SNAPC3: variants seen among roughly 807,000 people sequenced by gnomAD.
The protein encoded by SNAPC3 is snRNA-activating protein complex subunit 3.
Under a neutral mutation model 47.7 loss-of-function variants are expected in SNAPC3, and 56 were observed. The ratio of observed to expected loss-of-function variants is 1.18; its 90% CI spans 0.95 to 1.47. The LOEUF (loss-of-function observed/expected upper bound fraction) is 1.47. Among genes scored for constraint, SNAPC3 ranks in the 40% most tolerant of loss-of-function variants. The pLI, the probability that SNAPC3 is intolerant of heterozygous loss-of-function variation, is 0.00. For synonymous variants in SNAPC3, 235 were observed against 189.9 expected (o/e 1.24, Z -1.95); for missense variants, 665 against 511.3 (o/e 1.30, Z -2.90).
Position 15,459,722 on chromosome 9 carries a change from G to T in SNAPC3, c.1092G>T (p.Trp364Cys). 6.2e-7 allele frequency: 1 copy of T among 1,611,514 alleles called. No homozygotes were observed. Among genetic ancestry groups the T allele is most frequent in the Non-Finnish European group, 8.5e-7 (1 of 1,178,792 alleles). ...CTTCTTTTTTTAAAAACTACAGATG[G>T]GTGACGAACAATGACAGTTTTGCAC... ...CFVCKMYTAR[W>C]VTNNDSFAPE... is the part of the protein sequence containing the mutation. The change falls in exon 9 of 9, where the codon TGG becomes TGT. Residue 364 changes from tryptophan (W) to cysteine (C), a missense_variant. Trp to Cys is a radical substitution (Grantham distance 215). Transcript: ENST00000380821.
intron 2 of SNAPC3, among the ~76,000 whole-genome samples, chr9:15,424,242 A>C (rs1447638984): frequency 6.6e-6 from 1 of 152,210 alleles, no homozygotes; most frequent in East Asian, 1.9e-4. Context: ...AGCTTCTAAA[A>C]GTATCATTCT....
intron 8 of SNAPC3, 49 bp downstream of exon 8, chr9:15,458,116 CTT>C (rs1468710020): frequency 7.1e-6 from 7 of 979,838 alleles, no homozygotes; most frequent in Non-Finnish European, 1.5e-6. Context: ...GCAGTTTTGA[CTT>C]TTGGTATTTT....
intron 3 of SNAPC3, among the ~76,000 whole-genome samples, chr9:15,441,383 C>CCTTTTTTTT (rs2033350941): frequency 3.4e-5 from 2 of 59,572 alleles, no homozygotes; most frequent in Non-Finnish European, 6.1e-5. Flanking sequence ...GTTCCCTTTT[C>CCTTTTTTTT]TTTTTTTTTT....
chr9:15,440,665 C>A, intron 3 of SNAPC3, among the ~76,000 whole-genome samples: 1 of 152,238 alleles, frequency 6.6e-6, no homozygotes, highest in South Asian at 2.1e-4. Context: ...TTTAAAAAAT[C>A]AGGGCCGGGC....
Position 15,458,056 on chromosome 9 carries a change from G to T in SNAPC3, c.1077G>T (p.Met359Ile). The change falls in exon 8 of 9, where the codon ATG becomes ATT. Residue 359 changes from methionine to isoleucine, a missense_variant. Physicochemically the swap from Met to Ile is conservative, Grantham distance 10. Coordinates refer to ENST00000380821, the MANE Select transcript of SNAPC3 (RefSeq NM_001039697.2). ...LWTRKCFVCK[M>I]YTARWVTNND... is the part of the protein sequence containing the mutation. ...CCAGAAAATGTTTTGTTTGTAAAAT[G>T]TATACAGCCAGGTGAGTGATAATGT... 6.5e-7 allele frequency: 1 copy of T among 1,548,484 alleles called. No homozygotes were observed. The highest frequency in any genetic ancestry group is 1.2e-5 in the South Asian group (1 of 82,466).
In SNAPC3 at chr9:15,460,031, T is replaced by G; in HGVS notation, c.*165T>G. On this transcript the variant is annotated 3_prime_UTR_variant, in exon 9 of 9. Coordinates refer to ENST00000380821, the MANE Select transcript of SNAPC3 (RefSeq NM_001039697.2). ...CAGATTTTCTTATAATGATAGTATT[T>G]AAATGTTTATAACATAGTTTAATTT... The G allele has an allele frequency of 4.1e-6, 2 of 489,110 alleles. No homozygotes were observed. The highest frequency in any genetic ancestry group is 1.1e-3 in the Middle Eastern group (2 of 1,880). 30.3% of individuals were successfully genotyped at this position (489,110 alleles called of 1,614,324 possible).
chr9:15,440,699 C>T (rs111375553), intron 3 of SNAPC3, among the ~76,000 whole-genome samples: 1 of 152,068 alleles, frequency 6.6e-6, no homozygotes, highest in Non-Finnish European at 1.5e-5. Context: ...CCTGTAATCC[C>T]AGCACTTTGG....
chr9:15,440,776 C>T (rs2033261417), intron 3 of SNAPC3, among the ~76,000 whole-genome samples: 1 of 152,126 alleles, frequency 6.6e-6, no homozygotes, highest in African/African-American at 2.4e-5. Context: ...AGTGAAACCC[C>T]GTCTCTACTA....
rs574522504 is a variant in SNAPC3 at position 15,444,852 on chromosome 9, G to T, written c.582+146G>T. On this transcript the variant is annotated intron_variant, in intron 4 of 8. Coordinates refer to ENST00000380821, the MANE Select transcript of SNAPC3 (RefSeq NM_001039697.2). ...CATGCCTGTAATCTCAGCACTTTGG[G>T]AGGCCAAGGCAGGAGGATCACTTGA... is the stretch of plus-strand genomic sequence containing the variant. The T allele has an allele frequency of 2.5e-4, 124 of 498,828 alleles. 3 individuals carry two copies. The East Asian group carries it at 4.3e-3, about 17-fold the overall frequency. 30.9% of individuals were successfully genotyped at this position (498,828 alleles called of 1,614,324 possible).
intron 3 of SNAPC3, among the ~76,000 whole-genome samples, chr9:15,435,160 A>G (rs2032635045): frequency 6.6e-6 from 1 of 152,150 alleles, no homozygotes; most frequent in African/African-American, 2.4e-5. Flanking sequence ...TTTCCCTAAT[A>G]ACTAGTGATG....
Position 15,460,101 on chromosome 9 carries a change from T to G in SNAPC3, c.*235T>G. 1 of 332,514 alleles carries G rather than the reference T, an allele frequency of 3.0e-6. No homozygotes were observed. The highest frequency in any genetic ancestry group is 5.4e-6 in the Non-Finnish European group (1 of 186,074). The allele number at this position is 332,514 out of a possible 1,614,324, so 20.6% of individuals were successfully genotyped here. A position where few individuals can be genotyped will look rare whatever the true frequency, so the allele number is the denominator to read the frequency against. On this transcript the variant is annotated 3_prime_UTR_variant, in exon 9 of 9. Coordinates refer to ENST00000380821, the MANE Select transcript of SNAPC3 (RefSeq NM_001039697.2). ...ATTTAATTTAGTGCTTTTTACCCATTTTGAGTTGAGTTGTAGTACTTTATA... is the reference window on the plus strand; with the variant it reads ...ATTTAATTTAGTGCTTTTTACCCATGTTGAGTTGAGTTGTAGTACTTTATA...
intron 3 of SNAPC3, among the ~76,000 whole-genome samples, chr9:15,435,391 G>A (rs765823926): frequency 6.6e-6 from 1 of 152,110 alleles, no homozygotes; most frequent in Non-Finnish European, 1.5e-5. Flanking sequence ...TGACCAACAT[G>A]GCGAAACCCT....
Position 15,458,037 on chromosome 9 carries a change from A to G in SNAPC3, c.1058A>G (p.Lys353Arg). The G allele has an allele frequency of 6.3e-7, 1 of 1,585,600 alleles. No homozygotes were observed. Among genetic ancestry groups the G allele is most frequent in the Non-Finnish European group, 8.5e-7 (1 of 1,169,800 alleles). The change falls in exon 8 of 9, where the codon AAA becomes AGA. Residue 353 changes from lysine to arginine, a missense_variant. Transcript: ENST00000380821. ...AAGAAGCATTGGCTATGGACCAGAAAATGTTTTGTTTGTAAAATGTATACA... is the reference window on the plus strand; with the variant it reads ...AAGAAGCATTGGCTATGGACCAGAAGATGTTTTGTTTGTAAAATGTATACA... ...LIKKHWLWTR[K>R]CFVCKMYTAR...
At chr9:15,434,134 TGTG>T (rs1162420031) in intron 3 of SNAPC3, among the ~76,000 whole-genome samples, 3 of 152,220 alleles carry the variant, frequency 2.0e-5, no homozygotes, top group Non-Finnish European at 4.4e-5. Flanking sequence ...TTACTTTTAT[TGTG>T]GTAAAATTTA....
At chr9:15,438,263 G>A (rs893828763) in intron 3 of SNAPC3, among the ~76,000 whole-genome samples, 21 of 152,098 alleles carry the variant, frequency 1.4e-4, no homozygotes, top group African/African-American at 4.1e-4. Flanking sequence ...CAATTTGTTG[G>A]CAAACAGTAG....
In SNAPC3 at chr9:15,458,082, ATT is replaced by A. The variant is rs35960449; in HGVS notation, c.1088+25_1088+26del. The A allele has an allele frequency of 2.2e-5, 22 of 981,560 alleles. No individual in the cohort carries two copies. The highest frequency in any genetic ancestry group is 2.2e-4 in the Middle Eastern group (1 of 4,570). 60.8% of individuals were successfully genotyped at this position (981,560 alleles called of 1,614,324 possible). On this transcript the variant is annotated intron_variant, in intron 8 of 8. Coordinates refer to ENST00000380821, the MANE Select transcript of SNAPC3 (RefSeq NM_001039697.2). ...TATACAGCCAGGTGAGTGATAATGT[ATT>A]TTTTTTTTTCTCTGAGAAATGGCAG...
At chr9:15,457,439 TAA>T (rs2034878701) in intron 7 of SNAPC3, among the ~76,000 whole-genome samples, 1 of 151,640 alleles carries the variant, frequency 6.6e-6, no homozygotes. Flanking sequence ...TACAAAAACT[TAA>T]AAAATTATCT....
chr9:15,466,507 A>G (rs2035636756), downstream of SNAPC3, among the ~76,000 whole-genome samples: 1 of 152,246 alleles, frequency 6.6e-6, no homozygotes, highest in Non-Finnish European at 1.5e-5. Context: ...TCCAGGAGCA[A>G]ATATTTTCTT....
At position 15,457,762 on chromosome 9, in the gene SNAPC3, A is replaced by G. The variant is rs148941852; in HGVS notation, c.981-198A>G. ...AGGAAAGAAAACCTTGTTTAATCCA[A>G]AATGCTCTTGGAGAAAGTATTTTGT... On this transcript the variant is annotated intron_variant, in intron 7 of 8. Transcript: ENST00000380821. 6.5e-3 allele frequency among the ~76,000 whole-genome samples: 993 copies of G among 152,336 alleles called. 8 individuals carry two copies. Among genetic ancestry groups the G allele is most frequent in the Non-Finnish European group, 0.01 (698 of 68,020 alleles).
Sources: gnomAD v4.1 joint callset for allele counts (sites outside exome capture counted in the v4.1 genomes callset) on GRCh38, gnomAD v4.1.1 for gene constraint, MANE v1.5 for transcripts, NCBI Gene and HGNC (gene_info 2026-07-23, HGNC 2026-07-21) for gene names.